Variants in WIPI1 observed in about 807,000 individuals in gnomAD.
WIPI1 encodes WD repeat domain, phosphoinositide interacting 1.
Under a neutral mutation model 55.3 loss-of-function variants are expected in WIPI1, and 45 were observed. The observed-to-expected ratio is 0.81, with a 90% CI of 0.64 to 1.04. The LOEUF is 1.04. Ranked by LOEUF, WIPI1 falls within the 50% of genes least tolerant of loss-of-function variation. The pLI is 0.00. For synonymous variants in WIPI1, 195 were observed against 217.6 expected, an observed-to-expected ratio of 0.90 and a Z score of 0.92; for missense variants, 445 against 559.0, an observed-to-expected ratio of 0.80 and a Z score of 2.06.
chr17:68,433,645 C>T, intron 7 of WIPI1, 70 bp from the exon 8 acceptor site: 1 of 1,285,628 alleles, frequency 7.8e-7, no homozygotes. Flanking sequence ...ACTCAGAGAT[C>T]AGCTTTATAA....
chr17:68,444,761 T>A (rs1319675971), intron 3 of WIPI1, among the ~76,000 whole-genome samples, 172 bp from the exon 4 acceptor site: 1 of 152,178 alleles, frequency 6.6e-6, no homozygotes, highest in East Asian at 1.9e-4. Flanking sequence ...ACACATGTAA[T>A]CATCCACCTG....
At chr17:68,441,597 G>C (rs928438025) in intron 4 of WIPI1, among the ~76,000 whole-genome samples, 2 of 152,174 alleles carry the variant, frequency 1.3e-5, no homozygotes, top group African/African-American at 4.8e-5. Context: ...GTGAGGACCT[G>C]GTCATGTCAC....
At chr17:68,426,584 G>A (rs551184667) in intron 11 of WIPI1, among the ~76,000 whole-genome samples, 113 of 152,320 alleles carry the variant, frequency 7.4e-4, no homozygotes, top group African/African-American at 2.4e-3. Context: ...CCAGGCTGGA[G>A]TGCAGTGGTA....
Position 68,429,984 on chromosome 17 carries a change from C to G in WIPI1, c.965+12G>C, listed in dbSNP as rs1434434115. 11 of 1,613,806 alleles carry G rather than the reference C, an allele frequency of 6.8e-6. No homozygotes were observed. Among genetic ancestry groups the G allele is most frequent in the Non-Finnish European group, 8.5e-6 (10 of 1,179,936 alleles). ...GTGTGGTCTTGTTCAGAGTGGGTGT[C>G]ATTGTACGTACGTTGAGAGGGTACA... On this transcript the variant is annotated intron_variant, in intron 9 of 12. Transcript: ENST00000262139.
intron 6 of WIPI1, among the ~76,000 whole-genome samples, chr17:68,435,342 C>G (rs1436971286): frequency 2.0e-5 from 3 of 152,236 alleles, no homozygotes; most frequent in African/African-American, 2.4e-5. Context: ...TTGTCCGTCT[C>G]TACGGCTGAT....
At chr17:68,435,546 T>A (rs2083741603) in intron 6 of WIPI1, 74 bp downstream of exon 6, 7 of 1,458,684 alleles carry the variant, frequency 4.8e-6, no homozygotes, top group Non-Finnish European at 6.7e-6. Flanking sequence ...CCAGGTTTGT[T>A]CAATCCCATC....
chr17:68,429,017 C>T (rs555121225), intron 9 of WIPI1, 81 bp from the exon 10 acceptor site: 14 of 1,040,886 alleles, frequency 1.3e-5, no homozygotes, highest in Non-Finnish European at 2.0e-5. Context: ...GCCCCCCTCA[C>T]CCTAGCTGTC....
intron 5 of WIPI1, among the ~76,000 whole-genome samples, chr17:68,435,990 T>C (rs2083767466): frequency 6.6e-6 from 1 of 152,254 alleles, no homozygotes; most frequent in Non-Finnish European, 1.5e-5. Context: ...AGGCGCGCCC[T>C]GCACGCATCT....
intron 8 of WIPI1, 106 bp downstream of exon 8, chr17:68,433,362 C>A: frequency 2.8e-6 from 3 of 1,080,502 alleles, no homozygotes; most frequent in Non-Finnish European, 4.2e-6. Context: ...CCAAGTGAAG[C>A]CAAGATTGGG....
intron 9 of WIPI1, among the ~76,000 whole-genome samples, chr17:68,429,281 G>T (rs770821574): frequency 6.6e-6 from 1 of 152,176 alleles, no homozygotes; most frequent in Non-Finnish European, 1.5e-5. Flanking sequence ...CAGAAAGGGG[G>T]TAAATGGAGG....
chr17:68,437,099 A>G (rs887574669), intron 4 of WIPI1, among the ~76,000 whole-genome samples: 7 of 151,722 alleles, frequency 4.6e-5, no homozygotes, highest in African/African-American at 1.7e-4. Flanking sequence ...TTTTCTTCCA[A>G]TTCCATTATC....
chr17:68,438,893 C>T (rs2083952910), intron 4 of WIPI1, among the ~76,000 whole-genome samples: 1 of 152,228 alleles, frequency 6.6e-6, no homozygotes, highest in African/African-American at 2.4e-5. Context: ...AGCCATCGTG[C>T]CTGGCCTAGC....
chr17:68,435,568 C>A, intron 6 of WIPI1, 52 bp downstream of exon 6: 10 of 1,569,134 alleles, frequency 6.4e-6, no homozygotes, highest in Non-Finnish European at 7.9e-6. Context: ...CTGCGCACGG[C>A]AGGAGCCATC....
intron 4 of WIPI1, among the ~76,000 whole-genome samples, chr17:68,441,997 T>C (rs1282167029): frequency 6.6e-6 from 1 of 152,144 alleles, no homozygotes; most frequent in Non-Finnish European, 1.5e-5. Flanking sequence ...TGTTTCTCAT[T>C]TTTCTTGAGA....
At chr17:68,424,604 G>A (rs542990415) in intron 12 of WIPI1, 15 of 471,510 alleles carry the variant, frequency 3.2e-5, no homozygotes, top group East Asian at 1.1e-4. Context: ...GGCCGGGTGC[G>A]GCGGTTCACG....
At chr17:68,447,859 G>A (rs1172749173) in intron 3 of WIPI1, among the ~76,000 whole-genome samples, 1 of 151,844 alleles carries the variant, frequency 6.6e-6, no homozygotes, top group Non-Finnish European at 1.5e-5. Context: ...CGGGCGTGGT[G>A]GCAGGTGCTT....
intron 8 of WIPI1, among the ~76,000 whole-genome samples, chr17:68,433,162 A>G (rs989108127): frequency 2.0e-5 from 3 of 152,374 alleles, no homozygotes; most frequent in Middle Eastern, 6.8e-3. Context: ...CTCATTTAAT[A>G]CTACTGTTAT....
intron 1 of WIPI1, among the ~76,000 whole-genome samples, chr17:68,454,506 C>T (rs1044389662): frequency 2.0e-5 from 3 of 152,130 alleles, no homozygotes; most frequent in South Asian, 2.1e-4. Flanking sequence ...TAGCTGGTGA[C>T]GTCTCGCAGC....
Position 68,428,847 on chromosome 17 carries a change from A to G in WIPI1, c.1055T>C (p.Val352Ala). 6.2e-7 allele frequency: 1 copy of G among 1,613,912 alleles called. No homozygotes were observed. Among genetic ancestry groups the G allele is most frequent in the Non-Finnish European group, 8.5e-7 (1 of 1,179,820 alleles). Residue 352 changes from valine to alanine, a missense_variant, in exon 10 of 13, where the codon GTC (valine) becomes GCC (alanine). Coordinates refer to ENST00000262139, the MANE Select transcript of WIPI1 (RefSeq NM_017983.7). ...TCTTCACCTGTGGGTTTTGATTAAG[A>G]CACACTCTCCTCCATCCTGAGGATC... ...NLDPQDGGEC[V>A]LIKTHSLLGS...
Sources: gnomAD v4.1 joint callset for allele counts (sites outside exome capture counted in the v4.1 genomes callset) on GRCh38, gnomAD v4.1.1 for gene constraint, MANE v1.5 for transcripts, NCBI Gene and HGNC (gene_info 2026-07-23, HGNC 2026-07-21) for gene names.